The following PCDH15 variants were observed in gnomAD, a reference collection of about 807,000 sequenced individuals.
PCDH15 encodes the protein protocadherin-15.
PCDH15 carries 129 observed loss-of-function variants against 178.5 expected under a neutral mutation model. The ratio of observed to expected loss-of-function variants is 0.72; its 90% CI spans 0.63 to 0.84. The LOEUF (loss-of-function observed/expected upper bound fraction) is 0.84. PCDH15 is among the 40% of genes least tolerant of loss of function. PCDH15 has a pLI of 0.00. For missense variants in PCDH15, 2,230 were observed against 2,099.9 expected, an observed-to-expected ratio of 1.06 and a Z score of -1.21; for synonymous variants, 800 against 732.0, an observed-to-expected ratio of 1.09 and a Z score of -1.50.
chr10:54,791,423 T>C (rs888665370), intron 1 of PCDH15, among the ~76,000 whole-genome samples: 2 of 151,908 alleles, frequency 1.3e-5, no homozygotes, highest in African/African-American at 2.4e-5. Context: ...TAATCCTTTA[T>C]AGAATCACAG....
rs143816179 is a variant in PCDH15, at chr10:55,413,402, T to C, written c.-156+214223A>G. 5.5e-4 allele frequency among the ~76,000 whole-genome samples: 84 copies of C among 151,850 alleles called. 1 individual carries two copies. In the East Asian group the frequency reaches 7.0e-3, roughly 13 times the overall value. Reference sequence around the variant, plus strand: ...ATGTTTAGCATATTTTAAAGGACTATATAAGTGAATTTTATTAGGATGCTT... The same window carrying C: ...ATGTTTAGCATATTTTAAAGGACTACATAAGTGAATTTTATTAGGATGCTT... On this transcript the variant is annotated intron_variant, in intron 2 of 5. Transcript: ENST00000613346.
At chr10:54,207,510 T>C (rs962268474) in intron 10 of PCDH15, among the ~76,000 whole-genome samples, 3 of 151,958 alleles carry the variant, frequency 2.0e-5, no homozygotes, top group Admixed American at 2.0e-4. Flanking sequence ...TTGTAAAAGG[T>C]AAAGTTTTTA....
intron 2 of PCDH15, among the ~76,000 whole-genome samples, chr10:55,123,455 C>T (rs16906992): frequency 0.028 from 4,295 of 152,118 alleles, 232 homozygotes; most frequent in East Asian, 0.14. Context: ...GGTTTCATCA[C>T]CATCTGAGCA....
intron 1 of PCDH15, among the ~76,000 whole-genome samples, chr10:55,223,723 A>G (rs1564907306): frequency 1.3e-5 from 2 of 152,084 alleles, no homozygotes; most frequent in Non-Finnish European, 2.9e-5. Flanking sequence ...GAAGCCATAA[A>G]TGTGAGTATA....
At chr10:53,811,762 A>G in intron 35 of PCDH15, 143 bp from the exon 36 acceptor site, 1 of 478,724 alleles carries the variant, frequency 2.1e-6, no homozygotes, top group Non-Finnish European at 3.7e-6. Flanking sequence ...AGTTAAAGCA[A>G]TTAAAATTAC....
chr10:54,234,433 A>G (rs2054416118), intron 9 of PCDH15, among the ~76,000 whole-genome samples: 1 of 152,148 alleles, frequency 6.6e-6, no homozygotes, highest in South Asian at 2.1e-4. Context: ...CACGCCTGTA[A>G]TCCCAGAACT....
intron 2 of PCDH15, among the ~76,000 whole-genome samples, chr10:55,548,288 C>T (rs1379888503): frequency 6.6e-6 from 1 of 150,714 alleles, no homozygotes. Context: ...TATTTTATGT[C>T]ATAAAGTTTT....
intron 4 of PCDH15, among the ~76,000 whole-genome samples, chr10:54,378,218 G>A (rs574677811): frequency 6.6e-6 from 1 of 152,042 alleles, no homozygotes; most frequent in African/African-American, 2.4e-5. Flanking sequence ...AGCTACTGCT[G>A]TGCCAAGCCC....
At chr10:54,603,491 CTT>C (rs375185986) in intron 2 of PCDH15, among the ~76,000 whole-genome samples, 1 of 142,850 alleles carries the variant, frequency 7.0e-6, no homozygotes, top group African/African-American at 2.6e-5. Context: ...TGAGATGTTT[CTT>C]TTTTTTTTTC....
intron 2 of PCDH15, among the ~76,000 whole-genome samples, chr10:55,459,682 T>C (rs1257072437): frequency 1.3e-5 from 2 of 152,006 alleles, no homozygotes; most frequent in African/African-American, 2.4e-5. Flanking sequence ...ATCAAAAAGA[T>C]ATTTAAGTGG....
At chr10:53,863,104 A>G (rs2079205902) in intron 27 of PCDH15, among the ~76,000 whole-genome samples, 1 of 152,208 alleles carries the variant, frequency 6.6e-6, no homozygotes. Context: ...TGGAATTGCT[A>G]CATGTACAGA....
At chr10:55,497,417 A>G (rs1840558747) in intron 2 of PCDH15, among the ~76,000 whole-genome samples, 1 of 151,728 alleles carries the variant, frequency 6.6e-6, no homozygotes, top group Non-Finnish European at 1.5e-5. Flanking sequence ...AGCATCAGCC[A>G]CCGCGTCTGG....
chr10:55,535,195 A>G (rs558840673), intron 2 of PCDH15, among the ~76,000 whole-genome samples: 1 of 152,256 alleles, frequency 6.6e-6, no homozygotes, highest in East Asian at 1.9e-4. Context: ...GAAAAAAATA[A>G]AATAAAAACA....
At chr10:55,237,407 A>G (rs910928928) in intron 1 of PCDH15, among the ~76,000 whole-genome samples, 10 of 151,990 alleles carry the variant, frequency 6.6e-5, no homozygotes, top group African/African-American at 2.4e-4. Flanking sequence ...TTAACTCATA[A>G]AGAATACAAG....
chr10:53,867,339 C>G (rs1331774366), intron 26 of PCDH15, among the ~76,000 whole-genome samples: 1 of 151,970 alleles, frequency 6.6e-6, no homozygotes, highest in Non-Finnish European at 1.5e-5. Flanking sequence ...AGAATAACTA[C>G]AGTTAACAAT....
chr10:54,638,062 T>C (rs1052972788), intron 2 of PCDH15, among the ~76,000 whole-genome samples: 3 of 152,046 alleles, frequency 2.0e-5, no homozygotes, highest in Non-Finnish European at 4.4e-5. Context: ...TGATTTTCTC[T>C]ATGTCCTTCA....
intron 15 of PCDH15, among the ~76,000 whole-genome samples, chr10:54,116,087 G>A (rs1416158844): frequency 6.6e-6 from 1 of 152,146 alleles, no homozygotes; most frequent in Non-Finnish European, 1.5e-5. Context: ...CAGCCTGGGA[G>A]TATGGAAAAA....
At chr10:55,051,039 C>T (rs913554047) in intron 2 of PCDH15, among the ~76,000 whole-genome samples, 2 of 152,002 alleles carry the variant, frequency 1.3e-5, no homozygotes, top group African/African-American at 2.4e-5. Flanking sequence ...TAATTGTGTA[C>T]AATATCCCAT....
chr10:55,464,007 AAG>A (rs372443467), intron 2 of PCDH15, among the ~76,000 whole-genome samples: 2 of 105,118 alleles, frequency 1.9e-5, no homozygotes, highest in East Asian at 3.9e-4. Context: ...GAAAGAAAGA[AAG>A]AAAGAAAGAA....
Sources: allele counts gnomAD v4.1 joint callset (sites outside exome capture counted in the v4.1 genomes callset), GRCh38; gene constraint gnomAD v4.1.1; transcripts MANE v1.5; gene names NCBI Gene and HGNC (gene_info 2026-07-23, HGNC 2026-07-21).